Variants in BRINP3 observed in about 807,000 individuals in gnomAD.
The protein encoded by BRINP3 is BMP/retinoic acid-inducible neural-specific protein 3.
Under a neutral mutation model 71.0 loss-of-function variants are expected in BRINP3, and 19 were observed. That is an observed-to-expected ratio of 0.27 (90% CI 0.19 to 0.39). The LOEUF (loss-of-function observed/expected upper bound fraction) is 0.39. Among genes scored for constraint, BRINP3 ranks in the 10% least tolerant of loss-of-function variants. The pLI is 1.00. For missense variants in BRINP3, 959 were observed against 940.8 expected (o/e 1.02, Z -0.25); for synonymous variants, 380 against 337.7 (o/e 1.13, Z -1.37).
At chr1:190,451,714 A>AAGTTTTT (rs1386083933) in intron 2 of BRINP3, among the ~76,000 whole-genome samples, 28 of 152,186 alleles carry the variant, frequency 1.8e-4, no homozygotes, top group African/African-American at 6.5e-4. Context: ...TAAAAACATA[A>AAGTTTTT]ATGTAAGTTC....
chr1:190,451,691 A>T (rs1675617121), intron 2 of BRINP3, among the ~76,000 whole-genome samples: 1 of 152,168 alleles, frequency 6.6e-6, no homozygotes, highest in Middle Eastern at 3.2e-3. Context: ...ATAACTTTAA[A>T]TATACACAAG....
chr1:190,220,136 C>A (rs992819525), intron 6 of BRINP3, among the ~76,000 whole-genome samples: 3 of 151,884 alleles, frequency 2.0e-5, no homozygotes, highest in African/African-American at 7.3e-5. Flanking sequence ...GATAAGACTA[C>A]CTCCAAGGCA....
chr1:190,100,223 T>C (rs1571693352), intron 7 of BRINP3, among the ~76,000 whole-genome samples: 1 of 152,212 alleles, frequency 6.6e-6, no homozygotes, highest in East Asian at 1.9e-4. Context: ...CCATTTTTGG[T>C]ATTCTTATGC....
chr1:190,134,667 G>T (rs1259753327), intron 7 of BRINP3, among the ~76,000 whole-genome samples: 1 of 152,072 alleles, frequency 6.6e-6, no homozygotes, highest in Non-Finnish European at 1.5e-5. Flanking sequence ...TTAGATGAGG[G>T]ACTTCAGTTT....
chr1:190,381,799 T>C (rs527279014), intron 2 of BRINP3, among the ~76,000 whole-genome samples: 3 of 152,314 alleles, frequency 2.0e-5, no homozygotes, highest in Admixed American at 6.5e-5. Context: ...CCTAGGCATA[T>C]GGATCAGTAC....
intron 2 of BRINP3, among the ~76,000 whole-genome samples, chr1:190,329,076 G>C (rs1398546855): frequency 1.3e-5 from 2 of 151,822 alleles, no homozygotes; most frequent in African/African-American, 2.4e-5. Flanking sequence ...ATGCTGACCA[G>C]GCAAAAACTG....
chr1:190,246,098 T>TAAA (rs1553268779), intron 4 of BRINP3, among the ~76,000 whole-genome samples: 4 of 151,288 alleles, frequency 2.6e-5, no homozygotes, highest in African/African-American at 9.7e-5. Flanking sequence ...GCATGTTTTA[T>TAAA]CCTTGGGTAT....
At chr1:190,300,649 AC>A (rs927398521) in intron 2 of BRINP3, among the ~76,000 whole-genome samples, 7 of 151,768 alleles carry the variant, frequency 4.6e-5, no homozygotes, top group Admixed American at 3.9e-4. Flanking sequence ...ACTGGGAGGC[AC>A]CCCCCAGCAG....
chr1:190,146,862 C>A (rs1040540587), intron 7 of BRINP3, among the ~76,000 whole-genome samples: 5 of 151,880 alleles, frequency 3.3e-5, no homozygotes, highest in African/African-American at 1.2e-4. Context: ...TATTATATTG[C>A]AATATTAATT....
intron 7 of BRINP3, among the ~76,000 whole-genome samples, chr1:190,122,548 T>C (rs2102323122): frequency 7.9e-6 from 1 of 126,424 alleles, no homozygotes. Flanking sequence ...TGAAAGGCTT[T>C]CTCCCTAGAA....
intron 4 of BRINP3, among the ~76,000 whole-genome samples, chr1:190,263,593 T>TC (rs1195012438): frequency 2.5e-4 from 38 of 150,584 alleles, no homozygotes; most frequent in Admixed American, 2.1e-3. Context: ...GTAACTTTTT[T>TC]TTTTTTTTTT....
At chr1:190,319,034 C>G (rs1212769797) in intron 2 of BRINP3, among the ~76,000 whole-genome samples, 1 of 152,052 alleles carries the variant, frequency 6.6e-6, no homozygotes, top group Non-Finnish European at 1.5e-5. Flanking sequence ...ACAAGTGAAA[C>G]ACTTTTCTGC....
In BRINP3 at chr1:190,113,022, T is replaced by C. The variant is rs1438894181; in HGVS notation, c.1185-13888A>G. ...GGGGGTGAATGTATAGTATGGATGG[T>C]GAAGGATGTTTTAATTAACTAGATT... On this transcript the variant is annotated intron_variant, in intron 7 of 7. Coordinates refer to ENST00000367462, the MANE Select transcript of BRINP3 (RefSeq NM_199051.3). 3.3e-5 allele frequency among the ~76,000 whole-genome samples: 5 copies of C among 152,116 alleles called. No individual in the cohort carries two copies. In the East Asian group the frequency reaches 9.6e-4, roughly 29 times the overall value.
At chr1:190,397,300 T>A (rs1023391640) in intron 2 of BRINP3, among the ~76,000 whole-genome samples, 5 of 151,978 alleles carry the variant, frequency 3.3e-5, no homozygotes, top group Non-Finnish European at 5.9e-5. Flanking sequence ...CACATCGGAA[T>A]TGTTCATAGA....
intron 2 of BRINP3, among the ~76,000 whole-genome samples, chr1:190,425,413 T>G (rs1473826603): frequency 6.6e-6 from 1 of 151,802 alleles, no homozygotes; most frequent in African/African-American, 2.4e-5. Flanking sequence ...TACCTCCTAA[T>G]AAATGAACAG....
chr1:190,344,608 C>A (rs1247950445), intron 2 of BRINP3, among the ~76,000 whole-genome samples: 1 of 151,820 alleles, frequency 6.6e-6, no homozygotes, highest in African/African-American at 2.4e-5. Flanking sequence ...ATCATGGTTT[C>A]TTCTTCCATT....
At chr1:190,156,606 A>C (rs1656888464) in intron 7 of BRINP3, among the ~76,000 whole-genome samples, 1 of 152,082 alleles carries the variant, frequency 6.6e-6, no homozygotes, top group Admixed American at 6.6e-5. Context: ...TGGCAGTAAA[A>C]GAAAAACGGG....
At chr1:190,265,332 T>A (rs1448185967) in intron 3 of BRINP3, among the ~76,000 whole-genome samples, 3 of 151,992 alleles carry the variant, frequency 2.0e-5, no homozygotes, top group African/African-American at 7.2e-5. Flanking sequence ...TAACAAAGTT[T>A]AGCATAACAC....
At chr1:190,400,228 T>A (rs1178175793) in intron 2 of BRINP3, among the ~76,000 whole-genome samples, 2 of 152,132 alleles carry the variant, frequency 1.3e-5, no homozygotes, top group Non-Finnish European at 2.9e-5. Flanking sequence ...CATTGGATAT[T>A]CCCATAATTT....
Sources: gnomAD v4.1 joint callset for allele counts (sites outside exome capture counted in the v4.1 genomes callset) on GRCh38, gnomAD v4.1.1 for gene constraint, MANE v1.5 for transcripts, NCBI Gene and HGNC (gene_info 2026-07-23, HGNC 2026-07-21) for gene names.